WRAP73: variants seen among roughly 807,000 people sequenced by gnomAD.
WRAP73 encodes the protein WD repeat containing, antisense to TP73.
Under a neutral mutation model 59.6 loss-of-function variants are expected in WRAP73, and 55 were observed. The observed-to-expected ratio is 0.92, with a 90% confidence interval of 0.74 to 1.15. WRAP73 has a LOEUF of 1.15. Among genes scored for constraint, WRAP73 ranks in the 50% most tolerant of loss-of-function variants. The probability of loss-of-function intolerance (pLI) is 0.00; values close to 1 mark genes in which losing one functional copy is unlikely to be tolerated. For missense variants in WRAP73, 592 were observed against 608.1 expected, an observed-to-expected ratio of 0.97 and a Z score of 0.28; for synonymous variants, 265 against 258.2, an observed-to-expected ratio of 1.03 and a Z score of -0.25.
In WRAP73 at chr1:3,646,870, C is replaced by T; in HGVS notation, c.223-88G>A. 9.1e-7 allele frequency: 1 copy of T among 1,103,612 alleles called. No individual in the cohort carries two copies. Among genetic ancestry groups the T allele is most frequent in the Non-Finnish European group, 1.3e-6 (1 of 742,412 alleles). 68.4% of individuals were successfully genotyped at this position (1,103,612 alleles called of 1,614,324 possible). A position where few individuals can be genotyped will look rare whatever the true frequency, so the allele number is the denominator to read the frequency against. ...ACAGCTCGCTTAAACGCAGCGGAGA[C>T]CCGACCGCACAGGGTGTCTTCAAAC... On this transcript the variant is annotated intron_variant, in intron 2 of 11. Transcript: ENST00000270708. This position sits in a 1 kb window ranked among gnomAD's most constrained non-coding sequence, Gnocchi z 5.1.
At chr1:3,649,529 C>A (rs1040080594) in intron 1 of WRAP73, among the ~76,000 whole-genome samples, 2 of 152,208 alleles carry the variant, frequency 1.3e-5, no homozygotes, top group Non-Finnish European at 2.9e-5. Flanking sequence ...TTTCCAAGGG[C>A]ACCTCCCCAG....
chr1:3,638,006 G>T (rs564919700), intron 4 of WRAP73, among the ~76,000 whole-genome samples: 1 of 152,210 alleles, frequency 6.6e-6, no homozygotes, highest in Non-Finnish European at 1.5e-5. Context: ...CAAGAGATAT[G>T]TATCTCATCT....
chr1:3,642,985 G>A (rs1356113390), intron 3 of WRAP73, among the ~76,000 whole-genome samples: 2 of 152,108 alleles, frequency 1.3e-5, no homozygotes, highest in Non-Finnish European at 2.9e-5. Flanking sequence ...CTTGGCAAAT[G>A]AAACCCCTCC....
At chr1:3,633,724 A>T (rs1644562476) in intron 8 of WRAP73, 20 of 518,734 alleles carry the variant, frequency 3.9e-5, no homozygotes, top group Non-Finnish European at 5.8e-5. Context: ...CCACCCTTTG[A>T]GACACAGGCA....
chr1:3,632,493 A>T, intron 9 of WRAP73, 155 bp from the exon 10 acceptor site: 1 of 1,220,654 alleles, frequency 8.2e-7, no homozygotes, highest in Non-Finnish European at 1.2e-6. Context: ...AGCTAAGCAA[A>T]GCCTGGCAGC....
rs2101971835 is a variant in WRAP73, at chr1:3,646,612, A to G, written c.339+54T>C. The G allele has an allele frequency of 6.8e-7, 1 of 1,478,462 alleles. No individual in the cohort carries two copies. The highest frequency in any genetic ancestry group is 9.3e-7 in the Non-Finnish European group (1 of 1,078,764). The allele number at this position is 1,478,462 out of a possible 1,614,324, so 91.6% of individuals were successfully genotyped here. A position where few individuals can be genotyped will look rare whatever the true frequency, so the allele number is the denominator to read the frequency against. On this transcript the variant is annotated intron_variant, in intron 3 of 11. Coordinates refer to ENST00000270708, the MANE Select transcript of WRAP73 (RefSeq NM_017818.4). This position sits in a 1 kb window ranked among gnomAD's most constrained non-coding sequence, Gnocchi z 5.1. The stretch of plus-strand genomic sequence containing the variant: ...CCTCTCGCACTCCCCAGCTGTTTCG[A>G]GAGCAGAGGACAGGATCACATGGCC...
At chr1:3,645,127 G>A (rs1392264288) in intron 3 of WRAP73, among the ~76,000 whole-genome samples, 1 of 152,196 alleles carries the variant, frequency 6.6e-6, no homozygotes, top group African/African-American at 2.4e-5. Context: ...AATCGAAACT[G>A]AAAAATATGT....
At chr1:3,637,606 C>A (rs1467085455) in intron 4 of WRAP73, among the ~76,000 whole-genome samples, 1 of 152,192 alleles carries the variant, frequency 6.6e-6, no homozygotes, top group Non-Finnish European at 1.5e-5. Flanking sequence ...CTTTGGGAGG[C>A]TGAAGCAGGT....
In WRAP73 at chr1:3,636,972, TTCCAG is replaced by T. The variant is rs760914041; in HGVS notation, c.516+18_516+22del. ...CTCCACAGTCAGCAGGACAACTTTA[TTCCAG>T]TCTGGGGGACGCCTTACCCGCAGGA... On this transcript the variant is annotated intron_variant, in intron 5 of 11. Transcript: ENST00000270708. 1 of 1,610,502 alleles carries T rather than the reference TTCCAG, an allele frequency of 6.2e-7. No individual in the cohort carries two copies. Among genetic ancestry groups the T allele is most frequent in the African/African-American group, 1.3e-5 (1 of 74,896 alleles).
At position 3,633,431 on chromosome 1, in the gene WRAP73, C is replaced by T. The variant is rs760142612; in HGVS notation, c.889G>A (p.Gly297Arg). Residue 297 changes from glycine to arginine, a missense_variant, in exon 9 of 12, where the codon GGG becomes AGG. Coordinates refer to ENST00000270708, the MANE Select transcript of WRAP73 (RefSeq NM_017818.4). Reference sequence around the variant, plus strand: ...TCTGAGCTCGGGAGAGGGCCGGCCCCGGCCCGGGGCGGCGGGAAGGAGAGG... The same window carrying T: ...TCTGAGCTCGGGAGAGGGCCGGCCCTGGCCCGGGGCGGCGGGAAGGAGAGG... Reference protein sequence around the residue: ...GCLSFPPPRAGAGPLPSSESK... With the variant: ...GCLSFPPPRARAGPLPSSESK... 40 of 1,611,846 alleles carry T rather than the reference C, an allele frequency of 2.5e-5. No individual in the cohort carries two copies. The highest frequency in any genetic ancestry group is 1.8e-4 in the East Asian group (8 of 44,892).
intron 5 of WRAP73, chr1:3,636,396 C>G (rs1485439969): frequency 3.2e-6 from 1 of 316,510 alleles, no homozygotes; most frequent in Non-Finnish European, 6.0e-6. Flanking sequence ...CTGGCCAGCC[C>G]CCGAAGGTGG....
At chr1:3,648,441 G>A (rs939779959) in intron 1 of WRAP73, among the ~76,000 whole-genome samples, 3 of 152,170 alleles carry the variant, frequency 2.0e-5, no homozygotes, top group South Asian at 2.1e-4. Context: ...AGAGACAGGC[G>A]GGTGACGGCA....
rs540486518 is a variant in WRAP73 at position 3,639,322 on chromosome 1, G to C, written c.340-500C>G. On this transcript the variant is annotated intron_variant, in intron 3 of 11. Coordinates refer to ENST00000270708, the MANE Select transcript of WRAP73 (RefSeq NM_017818.4). This position sits in a 1 kb window ranked among gnomAD's most constrained non-coding sequence, Gnocchi z 4.3. ...AAGAAGGTGTCCGTCTGCCTCCTGC[G>C]TGTGCTCGCTGGCCTGGCTGCATCT... is the stretch of plus-strand genomic sequence containing the variant. 1.2e-5 allele frequency: 2 copies of C among 172,504 alleles called. No individual in the cohort carries two copies. The highest frequency in any genetic ancestry group is 2.4e-5 in the Non-Finnish European group (2 of 81,904). The allele number at this position is 172,504 out of a possible 1,614,324, so 10.7% of individuals were successfully genotyped here. A position where few individuals can be genotyped will look rare whatever the true frequency, so the allele number is the denominator to read the frequency against.
In WRAP73 at chr1:3,635,969, A is replaced by G. The variant is rs757932306; in HGVS notation, c.578T>C (p.Leu193Pro). 4 of 1,614,112 alleles carry G rather than the reference A, an allele frequency of 2.5e-6. No individual in the cohort carries two copies. Among genetic ancestry groups the G allele is most frequent in the South Asian group, 1.1e-5 (1 of 91,086 alleles). ...GIEWAPNGCV[L>P]AVWDTCLEYK... ...CTCCAAGCAGGTGTCCCACACTGCC[A>G]GCACACAGCCGTTTGGGGCCCACTC... Residue 193 changes from leucine (L) to proline (P), a missense_variant, in exon 6 of 12, where the codon CTG (leucine) becomes CCG (proline). Physicochemically the swap from Leu to Pro is moderately conservative, Grantham distance 98. Transcript: ENST00000270708.
At chr1:3,645,513 G>A (rs1484420250) in intron 3 of WRAP73, among the ~76,000 whole-genome samples, 8 of 149,798 alleles carry the variant, frequency 5.3e-5, no homozygotes, top group African/African-American at 1.7e-4. Context: ...CGGGATGGGC[G>A]GGTTGCCCCG....
rs561319575 is a variant in WRAP73, at chr1:3,633,297, A to G, written c.922+101T>C. The stretch of plus-strand genomic sequence containing the variant: ...GGCTGGAAGCATGGAAGGGAAAAAA[A>G]GTTTTTTTTTTTAAACATAAGGAAC... On this transcript the variant is annotated intron_variant, in intron 9 of 11. Coordinates refer to ENST00000270708, the MANE Select transcript of WRAP73 (RefSeq NM_017818.4). 212 of 1,208,380 alleles carry G rather than the reference A, an allele frequency of 1.8e-4. 3 individuals carry two copies. The African/African-American group carries it at 1.8e-3, about 10-fold the overall frequency. 74.9% of individuals were successfully genotyped at this position (1,208,380 alleles called of 1,614,324 possible). A position where few individuals can be genotyped will look rare whatever the true frequency, so the allele number is the denominator to read the frequency against.
rs755714721 is a variant in WRAP73 at position 3,632,338 on chromosome 1, T to C, written c.923A>G (p.Tyr308Cys). Residue 308 changes from tyrosine to cysteine, a missense_variant and splice_region_variant, in exon 10 of 12, where the codon TAT becomes TGT. Tyr to Cys is a radical substitution (Grantham distance 194). Coordinates refer to ENST00000270708, the MANE Select transcript of WRAP73 (RefSeq NM_017818.4). The stretch of plus-strand genomic sequence containing the variant: ...GGAGACTGGGACAGAGGCGATCTCA[T>C]CTAGAACACCAACAGGAAGAACACG... ...AGPLPSSESK[Y>C]EIASVPVSLQ... The C allele has an allele frequency of 1.5e-5, 25 of 1,613,988 alleles. No homozygotes were observed. Among genetic ancestry groups the C allele is most frequent in the Non-Finnish European group, 2.1e-5 (25 of 1,180,028 alleles).
rs143201889 is a variant in WRAP73 at position 3,631,596 on chromosome 1, G to A, written c.1110C>T (p.Leu370=). ...ATGCGCGCACTGGGGACAGCTGCTC[G>A]AGCACCGCGAACAGCCTCAGCTTCT... The part of the protein sequence containing the change: ...DIQKLRLFAV[L]EQLSPVRAFQ... The change falls in exon 11 of 12, where the codon CTC becomes CTT. Residue 370 remains leucine (L), a synonymous_variant. Coordinates refer to ENST00000270708, the MANE Select transcript of WRAP73 (RefSeq NM_017818.4). 109 of 1,607,246 alleles carry A rather than the reference G, an allele frequency of 6.8e-5. 1 individual carries two copies. The highest frequency in any genetic ancestry group is 2.6e-4 in the South Asian group (24 of 91,040).
intron 5 of WRAP73, chr1:3,636,329 G>A (rs1644589270): frequency 2.4e-6 from 1 of 408,446 alleles, no homozygotes; most frequent in African/African-American, 2.1e-5. Context: ...CCCGAGGGCG[G>A]CTTGGTCTCC....
Sources: allele counts gnomAD v4.1 joint callset (sites outside exome capture counted in the v4.1 genomes callset), GRCh38; gene constraint gnomAD v4.1.1; non-coding constraint Gnocchi (gnomAD v3.1); transcripts MANE v1.5; gene names NCBI Gene and HGNC (gene_info 2026-07-23, HGNC 2026-07-21).